GRIN2A: variants seen among roughly 807,000 people sequenced by gnomAD.
The protein encoded by GRIN2A is glutamate receptor ionotropic, NMDA 2A.
In GRIN2A, 22 loss-of-function variants were observed where a neutral mutation model predicts 113.4. That is an observed-to-expected ratio of 0.19 (90% CI 0.14 to 0.28). GRIN2A has a LOEUF of 0.28. Ranked by LOEUF, GRIN2A falls within the 10% of genes least tolerant of loss-of-function variation. The pLI is 1.00. For missense variants in GRIN2A, 1,502 were observed against 1,887.0 expected, an observed-to-expected ratio of 0.80 and a Z score of 3.78; for synonymous variants, 827 against 738.4, an observed-to-expected ratio of 1.12 and a Z score of -1.94.
At chr16:10,011,276 G>T (rs1357965563) in intron 2 of GRIN2A, among the ~76,000 whole-genome samples, 1 of 152,212 alleles carries the variant, frequency 6.6e-6, no homozygotes, top group Non-Finnish European at 1.5e-5. Context: ...TAGATTTGGA[G>T]ATAAGTGGAG....
intron 12 of GRIN2A, 118 bp downstream of exon 12, chr16:9,768,733 A>C: frequency 1.3e-6 from 1 of 796,190 alleles, no homozygotes; most frequent in South Asian, 1.3e-5. Flanking sequence ...TGCTCTTGTG[A>C]CATGCCCAAG....
chr16:9,936,826 T>C (rs1435740643), intron 3 of GRIN2A, among the ~76,000 whole-genome samples: 1 of 152,104 alleles, frequency 6.6e-6, no homozygotes, highest in Non-Finnish European at 1.5e-5. Context: ...GTGTGGGAAG[T>C]TTCCCCAAAG....
intron 2 of GRIN2A, among the ~76,000 whole-genome samples, chr16:9,985,288 G>A (rs2045959569): frequency 1.3e-5 from 2 of 152,078 alleles, no homozygotes; most frequent in African/African-American, 4.8e-5. Context: ...AGAATAGAAT[G>A]AAATTTTAAT....
chr16:10,115,489 T>A (rs2048713382), intron 2 of GRIN2A, among the ~76,000 whole-genome samples: 1 of 152,198 alleles, frequency 6.6e-6, no homozygotes, highest in Admixed American at 6.5e-5. Flanking sequence ...AGAGCATCCA[T>A]CCATGTGCAC....
intron 2 of GRIN2A, among the ~76,000 whole-genome samples, chr16:9,999,601 G>T (rs532249832): frequency 7.2e-5 from 11 of 152,206 alleles, no homozygotes; most frequent in African/African-American, 2.4e-4. Flanking sequence ...GGGGTTGGGG[G>T]CTAGGGGAGG....
At chr16:10,135,495 G>A (rs780998737) in intron 2 of GRIN2A, among the ~76,000 whole-genome samples, 1 of 152,158 alleles carries the variant, frequency 6.6e-6, no homozygotes, top group Non-Finnish European at 1.5e-5. Context: ...TCTAGCCTCT[G>A]CCCAACACAC....
intron 2 of GRIN2A, among the ~76,000 whole-genome samples, chr16:10,133,781 C>G (rs918065627): frequency 2.6e-5 from 4 of 152,144 alleles, no homozygotes; most frequent in Admixed American, 2.0e-4. Context: ...ATCTGCTCCC[C>G]AGATGCAATT....
chr16:9,772,922 CAAAAAAAA>C (rs71400490), intron 11 of GRIN2A, among the ~76,000 whole-genome samples: 6 of 105,014 alleles, frequency 5.7e-5, no homozygotes, highest in East Asian at 2.8e-4. Flanking sequence ...ACTTCAATTT[CAAAAAAAA>C]AAAAAAAAAA....
Position 10,158,950 on chromosome 16 carries a change from T to A in GRIN2A, c.414+21048A>T, listed in dbSNP as rs572677839. 1.1e-4 allele frequency among the ~76,000 whole-genome samples: 17 copies of A among 152,218 alleles called. No homozygotes were observed. The South Asian group carries it at 3.5e-3, about 32-fold the overall frequency. On this transcript the variant is annotated intron_variant, in intron 2 of 12. Coordinates refer to ENST00000330684, the MANE Select transcript of GRIN2A (RefSeq NM_001134407.3). ...GTATTATATCACAATAAAAAATTAG[T>A]CAAAGTGGCCAAAATGTTGTGAAGG... is the stretch of plus-strand genomic sequence containing the variant.
At chr16:9,806,651 A>C (rs1404417866) in intron 10 of GRIN2A, among the ~76,000 whole-genome samples, 1 of 152,102 alleles carries the variant, frequency 6.6e-6, no homozygotes, top group East Asian at 1.9e-4. Flanking sequence ...GAAAGAGAGA[A>C]AAACGATGAG....
chr16:9,925,598 A>C (rs1007671237), intron 3 of GRIN2A, among the ~76,000 whole-genome samples: 2 of 152,048 alleles, frequency 1.3e-5, no homozygotes, highest in Non-Finnish European at 2.9e-5. Context: ...CAGCCTGGAA[A>C]CTCTCTCAAG....
intron 2 of GRIN2A, among the ~76,000 whole-genome samples, chr16:9,987,774 G>C (rs1245654858): frequency 2.0e-5 from 3 of 152,174 alleles, no homozygotes; most frequent in African/African-American, 4.8e-5. Context: ...GTTGAACTCA[G>C]ATCTGAACCA....
chr16:9,903,326 T>G (rs1023313555), intron 3 of GRIN2A, among the ~76,000 whole-genome samples: 1 of 152,148 alleles, frequency 6.6e-6, no homozygotes, highest in Admixed American at 6.5e-5. Flanking sequence ...CATTGCCTCC[T>G]GCTATTCTCT....
intron 2 of GRIN2A, among the ~76,000 whole-genome samples, chr16:10,077,672 C>G (rs1302126300): frequency 6.6e-6 from 1 of 152,184 alleles, no homozygotes; most frequent in Admixed American, 6.5e-5. Flanking sequence ...CTCCGGTTAC[C>G]TTTCTGCCCT....
At chr16:10,112,302 C>T in intron 2 of GRIN2A, 1 of 645,206 alleles carries the variant, frequency 1.5e-6, no homozygotes, top group South Asian at 1.7e-5. Flanking sequence ...GACAGCAGCC[C>T]AGGCTAAGAA....
intron 2 of GRIN2A, among the ~76,000 whole-genome samples, chr16:9,946,469 C>T (rs1246351624): frequency 6.6e-6 from 1 of 152,182 alleles, no homozygotes; most frequent in Admixed American, 6.5e-5. Flanking sequence ...TTCTCTGTGC[C>T]TCTGAAACTA....
chr16:10,138,496 A>C (rs1452968032), intron 2 of GRIN2A, among the ~76,000 whole-genome samples: 1 of 152,168 alleles, frequency 6.6e-6, no homozygotes, highest in Non-Finnish European at 1.5e-5. Context: ...AAACCATCAG[A>C]TCTCGTGAGA....
chr16:10,001,188 A>G (rs2046314002), intron 2 of GRIN2A, among the ~76,000 whole-genome samples: 1 of 152,122 alleles, frequency 6.6e-6, no homozygotes, highest in Non-Finnish European at 1.5e-5. Flanking sequence ...GGTCTCTTCA[A>G]ACTCTGAGAT....
intron 2 of GRIN2A, among the ~76,000 whole-genome samples, chr16:10,043,543 A>G (rs954621205): frequency 6.6e-6 from 1 of 152,186 alleles, no homozygotes; most frequent in East Asian, 1.9e-4. Flanking sequence ...TATATATGGT[A>G]TTGTTTCTCA....
Sources: allele counts gnomAD v4.1 joint callset (sites outside exome capture counted in the v4.1 genomes callset), GRCh38; gene constraint gnomAD v4.1.1; transcripts MANE v1.5; gene names NCBI Gene and HGNC (gene_info 2026-07-23, HGNC 2026-07-21).